The following MTA3 variants were observed in gnomAD, a reference collection of about 807,000 sequenced individuals.
The protein encoded by MTA3 is metastasis-associated protein MTA3.
A neutral mutation model predicts 83.5 loss-of-function variants in MTA3; 34 were observed. That is an observed-to-expected ratio of 0.41 (90% CI 0.31 to 0.54). The LOEUF (loss-of-function observed/expected upper bound fraction) is 0.54. Among genes scored for constraint, MTA3 ranks in the 20% least tolerant of loss-of-function variants. The probability of loss-of-function intolerance (pLI) is 0.33; values close to 1 mark genes in which losing one functional copy is unlikely to be tolerated. For missense variants in MTA3, 761 were observed against 726.4 expected, an observed-to-expected ratio of 1.05 and a Z score of -0.55; for synonymous variants, 303 against 252.7, an observed-to-expected ratio of 1.20 and a Z score of -1.89.
intron 4 of MTA3, among the ~76,000 whole-genome samples, chr2:42,622,347 A>ATGGC (rs1198708288): frequency 7.4e-6 from 1 of 134,908 alleles, no homozygotes; most frequent in East Asian, 2.6e-4. Flanking sequence ...GTGAGCGGAG[A>ATGGC]TGGCAGCAGT....
chr2:42,505,670 G>T (rs1674596697), intron 2 of MTA3, among the ~76,000 whole-genome samples: 1 of 151,944 alleles, frequency 6.6e-6, no homozygotes, highest in Non-Finnish European at 1.5e-5. Context: ...AAATATTTAA[G>T]GAGAAGATCA....
At chr2:42,722,254 T>C (rs1667462305) in intron 15 of MTA3, among the ~76,000 whole-genome samples, 1 of 152,230 alleles carries the variant, frequency 6.6e-6, no homozygotes, top group African/African-American at 2.4e-5. Flanking sequence ...CTAACAACAA[T>C]ATACCTTTGT....
At chr2:42,739,269 A>G (rs1668846550) in intron 16 of MTA3, among the ~76,000 whole-genome samples, 1 of 152,202 alleles carries the variant, frequency 6.6e-6, no homozygotes, top group South Asian at 2.1e-4. Flanking sequence ...CACTTAGGAA[A>G]ATAGAAAAGA....
intron 14 of MTA3, among the ~76,000 whole-genome samples, chr2:42,718,094 CTTT>C (rs11351833): frequency 1.3e-4 from 15 of 116,268 alleles, no homozygotes; most frequent in Admixed American, 7.7e-4. Flanking sequence ...ACTCTGGTAC[CTTT>C]TTTTTTTTTT....
At chr2:42,513,458 C>G (rs1674990291) in intron 2 of MTA3, among the ~76,000 whole-genome samples, 1 of 152,168 alleles carries the variant, frequency 6.6e-6, no homozygotes, top group Non-Finnish European at 1.5e-5. Context: ...GCAATGACTT[C>G]ACCCAGGAAA....
chr2:42,669,632 C>G lies in MTA3; in HGVS notation c.702+9770C>G, dbSNP rs144033449. On this transcript the variant is annotated intron_variant, in intron 8 of 16. Transcript: ENST00000405094. ...AATACATCATTAAAGCAATAATATT[C>G]TACATTACACACACGTCTTTTTGTT... Among the ~76,000 whole-genome samples, 389 of 152,238 alleles carry G rather than the reference C, an allele frequency of 2.6e-3. 2 individuals carry two copies. The highest frequency in any genetic ancestry group is 8.1e-3 in the African/African-American group (335 of 41,544).
chr2:42,719,270 A>G (rs756022775), intron 15 of MTA3, among the ~76,000 whole-genome samples, 196 bp downstream of exon 15: 4 of 152,194 alleles, frequency 2.6e-5, no homozygotes, highest in Admixed American at 6.6e-5. Context: ...ATACACACAC[A>G]GATTTATGAT....
intron 3 of MTA3, among the ~76,000 whole-genome samples, chr2:42,586,186 A>C (rs2103906878): frequency 6.6e-6 from 1 of 151,472 alleles, no homozygotes; most frequent in Middle Eastern, 3.4e-3. Flanking sequence ...CTGAGGCAGA[A>C]TTGCTTGAAC....
chr2:42,729,334 C>G (rs541610187), intron 16 of MTA3, among the ~76,000 whole-genome samples: 1 of 152,170 alleles, frequency 6.6e-6, no homozygotes, highest in East Asian at 1.9e-4. Flanking sequence ...ATCCCCTGAC[C>G]TTGTGATCCA....
At chr2:42,570,750 C>CG (rs1678382211) in intron 2 of MTA3, among the ~76,000 whole-genome samples, 1 of 151,840 alleles carries the variant, frequency 6.6e-6, no homozygotes, top group Non-Finnish European at 1.5e-5. Flanking sequence ...GTGGCTCATG[C>CG]CTGTAATCTC....
chr2:42,624,801 G>T (rs1685917621), intron 4 of MTA3, among the ~76,000 whole-genome samples: 1 of 152,142 alleles, frequency 6.6e-6, no homozygotes, highest in Admixed American at 6.6e-5. Context: ...GGTTGAAAAT[G>T]ATTTTTCCTC....
intron 2 of MTA3, among the ~76,000 whole-genome samples, chr2:42,508,804 G>A (rs1343974632): frequency 6.9e-6 from 1 of 144,876 alleles, no homozygotes. Flanking sequence ...TAAATATATT[G>A]TAAATTATAT....
intron 14 of MTA3, among the ~76,000 whole-genome samples, chr2:42,713,800 A>G (rs547550330): frequency 7.9e-5 from 12 of 152,300 alleles, no homozygotes; most frequent in African/African-American, 2.6e-4. Context: ...TTGTTGTACC[A>G]TAACTAGTTT....
intron 14 of MTA3, among the ~76,000 whole-genome samples, chr2:42,713,307 G>GA (rs1666772717): frequency 6.6e-6 from 1 of 151,794 alleles, no homozygotes; most frequent in Non-Finnish European, 1.5e-5. Flanking sequence ...CCCACTTGAT[G>GA]AAAAATGTGT....
chr2:42,588,758 T>A (rs1680630362), intron 3 of MTA3, among the ~76,000 whole-genome samples: 1 of 152,202 alleles, frequency 6.6e-6, no homozygotes, highest in African/African-American at 2.4e-5. Flanking sequence ...TGTATGTGTA[T>A]AAATATACAG....
At chr2:42,549,659 T>TAC (rs1677021903) in intron 2 of MTA3, among the ~76,000 whole-genome samples, 3 of 127,872 alleles carry the variant, frequency 2.3e-5, no homozygotes, top group African/African-American at 9.2e-5. Flanking sequence ...ATATATTATA[T>TAC]ACATATACAT....
intron 16 of MTA3, among the ~76,000 whole-genome samples, chr2:42,737,025 A>C (rs2104574181): frequency 6.6e-6 from 1 of 152,300 alleles, no homozygotes; most frequent in Non-Finnish European, 1.5e-5. Context: ...TCTTTACTCT[A>C]TCCTTTTCTC....
chr2:42,541,425 C>T (rs1013331253), intron 2 of MTA3, among the ~76,000 whole-genome samples: 1 of 152,224 alleles, frequency 6.6e-6, no homozygotes, highest in Admixed American at 6.5e-5. Context: ...GTCAGCCACA[C>T]AATCATGAGG....
chr2:42,541,230 C>T (rs1373514155), intron 2 of MTA3, among the ~76,000 whole-genome samples: 1 of 152,172 alleles, frequency 6.6e-6, no homozygotes, highest in African/African-American at 2.4e-5. Context: ...GGGGTTTCTC[C>T]GTGTTGGTCA....
Sources: gnomAD v4.1 joint callset for allele counts (sites outside exome capture counted in the v4.1 genomes callset) on GRCh38, gnomAD v4.1.1 for gene constraint, MANE v1.5 for transcripts, NCBI Gene and HGNC (gene_info 2026-07-23, HGNC 2026-07-21) for gene names.